Variants in PCM1 observed in about 807,000 individuals in gnomAD.
PCM1 encodes the protein pericentriolar material 1 protein.
PCM1 carries 157 observed loss-of-function variants against 241.9 expected under a neutral mutation model. The observed-to-expected ratio is 0.65, with a 90% CI of 0.57 to 0.74. The LOEUF (loss-of-function observed/expected upper bound fraction) is 0.74, where lower values mean the gene tolerates loss of function less well. Among genes scored for constraint, PCM1 ranks in the 30% least tolerant of loss-of-function variants. The probability of loss-of-function intolerance (pLI) is 0.00; values close to 1 mark genes in which losing one functional copy is unlikely to be tolerated. For synonymous variants in PCM1, 1,085 were observed against 784.9 expected, an observed-to-expected ratio of 1.38 and a Z score of -6.39; for missense variants, 3,478 against 2,360.1, an observed-to-expected ratio of 1.47 and a Z score of -9.81.
In PCM1 at chr8:17,967,163, T is replaced by G. The variant is rs746715597; in HGVS notation, c.3405T>G (p.Phe1135Leu). 3.8e-6 allele frequency: 6 copies of G among 1,586,566 alleles called. No homozygotes were observed. In the Admixed American group the frequency reaches 1.1e-4, roughly 28 times the overall value. Residue 1135 changes from phenylalanine (F) to leucine (L), a missense_variant, in exon 21 of 39, where the codon TTT (phenylalanine) becomes TTG (leucine). Physicochemically the swap from Phe to Leu is conservative, Grantham distance 22. Coordinates refer to ENST00000325083, the MANE Select transcript of PCM1 (RefSeq NM_006197.4). ...CTGGATTTACTAACTTTTCATCATT[T>G]GCACCAGGTAGGTGACTTAACCTAA... ...NIPGFTNFSS[F>L]APGMNFSPLF...
At chr8:18,023,327 C>T (rs952830715) in intron 36 of PCM1, among the ~76,000 whole-genome samples, 3 of 151,988 alleles carry the variant, frequency 2.0e-5, no homozygotes, top group Non-Finnish European at 4.4e-5. Context: ...CTCCCAAACT[C>T]GAATATATGA....
chr8:17,957,775 G>C lies in PCM1; in HGVS notation c.2040G>C (p.Gln680His), dbSNP rs976345387. The C allele has an allele frequency of 3.1e-6, 5 of 1,590,326 alleles. No homozygotes were observed. The African/African-American group carries it at 5.4e-5, about 17-fold the overall frequency. ...RQLQDLVAMV[Q>H]DDDAAQGVIS... ...TACAAGATCTTGTTGCTATGGTACA[G>C]GTAAATATTGCTTGGTCTTTTAAAA... Residue 680 changes from glutamine (Q) to histidine (H), a missense_variant and splice_region_variant, in exon 13 of 39, where the codon CAG becomes CAC. Transcript: ENST00000325083.
At chr8:17,929,919 A>T (rs919601656) in intron 2 of PCM1, among the ~76,000 whole-genome samples, 1 of 152,158 alleles carries the variant, frequency 6.6e-6, no homozygotes, top group Non-Finnish European at 1.5e-5. Flanking sequence ...CTGTCGCTCA[A>T]AATAACGTAC....
intron 38 of PCM1, 96 bp from the exon 39 acceptor site, chr8:18,027,541 G>A (rs527737072): frequency 3.1e-5 from 24 of 766,692 alleles, no homozygotes; most frequent in Non-Finnish European, 4.3e-5. Context: ...TTATAATAAC[G>A]TTATATTAAA....
At chr8:18,015,286 A>G (rs1297334625) in intron 36 of PCM1, among the ~76,000 whole-genome samples, 1 of 151,970 alleles carries the variant, frequency 6.6e-6, no homozygotes, top group African/African-American at 2.4e-5. Context: ...TGTACTCATG[A>G]TAGTACTTAC....
At chr8:17,925,933 A>G (rs1319912461) in intron 2 of PCM1, 3 of 152,188 alleles carry the variant, frequency 2.0e-5, no homozygotes, top group Non-Finnish European at 2.9e-5. Context: ...AGGACCTGAA[A>G]TGAGACTGTC....
chr8:17,982,414 A>T (rs1306578083), intron 24 of PCM1: 1 of 152,196 alleles, frequency 6.6e-6, no homozygotes, highest in Non-Finnish European at 1.5e-5. Flanking sequence ...GTGAAATATA[A>T]TGATTGAATT....
chr8:18,004,627 C>T lies in PCM1; in HGVS notation c.4828-1636C>T, dbSNP rs117371523. Among the ~76,000 whole-genome samples the T allele has an allele frequency of 7.6e-4, 115 of 152,210 alleles. 1 individual carries two copies. The East Asian group carries it at 0.02, about 26-fold the overall frequency. ...TATGATGTCTCATTTCACTTCAGATCTTGACTTTTTTTGTAGGACTGTAGA... is the reference window on the plus strand; with the variant it reads ...TATGATGTCTCATTTCACTTCAGATTTTGACTTTTTTTGTAGGACTGTAGA... On this transcript the variant is annotated intron_variant, in intron 29 of 38. Coordinates refer to ENST00000325083, the MANE Select transcript of PCM1 (RefSeq NM_006197.4).
chr8:17,987,915 C>A (rs1162363341), intron 26 of PCM1, among the ~76,000 whole-genome samples: 1 of 151,776 alleles, frequency 6.6e-6, no homozygotes, highest in Non-Finnish European at 1.5e-5. Context: ...TTGTATTGGA[C>A]AGATTCAGAG....
At chr8:17,928,186 C>A (rs771158880) in intron 2 of PCM1, among the ~76,000 whole-genome samples, 29 of 152,142 alleles carry the variant, frequency 1.9e-4, no homozygotes, top group Non-Finnish European at 1.0e-4. Flanking sequence ...AAAATTTCAA[C>A]CTTGGGTGGA....
chr8:17,991,502 A>C, intron 27 of PCM1, 40 bp from the exon 28 acceptor site: 10 of 1,512,020 alleles, frequency 6.6e-6, no homozygotes, highest in Non-Finnish European at 8.9e-6. Context: ...GAAAAAGTTC[A>C]CTTTTACATA....
intron 29 of PCM1, among the ~76,000 whole-genome samples, chr8:17,997,658 T>G (rs778341777): frequency 2.0e-5 from 3 of 152,200 alleles, no homozygotes; most frequent in Non-Finnish European, 2.9e-5. Context: ...GTTGCGTTTT[T>G]CAACTCTAGA....
At position 17,960,373 on chromosome 8, in the gene PCM1, GAAGA is replaced by G; in HGVS notation, c.2262_2265del (p.Lys754AsnfsTer2). ...ACAGAGAGAGCTAAAACAATTGCAG[GAAGA>G]AAGAAAGAAACTGATTGACATTCAG... is the stretch of plus-strand genomic sequence containing the variant. On this transcript the variant is annotated frameshift_variant, in exon 15 of 39. Coordinates refer to ENST00000325083, the MANE Select transcript of PCM1 (RefSeq NM_006197.4). LOFTEE classifies it high-confidence loss of function. The G allele has an allele frequency of 6.2e-7, 1 of 1,608,534 alleles. No homozygotes were observed. The highest frequency in any genetic ancestry group is 1.1e-5 in the South Asian group (1 of 89,578).
intron 6 of PCM1, 21 bp from the exon 7 acceptor site, chr8:17,947,165 A>G (rs2064152686): frequency 2.0e-6 from 3 of 1,513,032 alleles, no homozygotes; most frequent in Non-Finnish European, 2.7e-6. Flanking sequence ...AGATACAAGT[A>G]TTGTTGGTCT....
At position 18,028,617 on chromosome 8, in the gene PCM1, AGTATT is replaced by A. The variant is rs758886225; in HGVS notation, c.*957_*961del. ...GAGGTTGAAGCAGATTTGCAGGTGA[AGTATT>A]GAAAGTTTATGTGACTTTAAGTCAG... On this transcript the variant is annotated 3_prime_UTR_variant, in exon 39 of 39. Transcript: ENST00000325083. The A allele has an allele frequency of 3.9e-4, 80 of 207,350 alleles. No individual in the cohort carries two copies. The highest frequency in any genetic ancestry group is 6.9e-4 in the Non-Finnish European group (70 of 101,774). 12.8% of individuals were successfully genotyped at this position (207,350 alleles called of 1,614,324 possible). A position where few individuals can be genotyped will look rare whatever the true frequency, so the allele number is the denominator to read the frequency against.
intron 35 of PCM1, 127 bp downstream of exon 35, chr8:18,014,163 G>A: frequency 3.3e-6 from 2 of 615,172 alleles, no homozygotes; most frequent in Non-Finnish European, 5.6e-6. Context: ...TGGACCTGAT[G>A]TATGTTTTTC....
chr8:17,946,832 AGTGTGTGTGT>A (rs368892136), intron 6 of PCM1, among the ~76,000 whole-genome samples: 45 of 138,382 alleles, frequency 3.3e-4, no homozygotes, highest in Middle Eastern at 3.9e-3. Flanking sequence ...TAGATTCTTC[AGTGTGTGTGT>A]GTGTGTGTGT....
rs527771659 is a variant in PCM1 at position 17,964,601 on chromosome 8, T to C, written c.2688T>C (p.Cys896=). ...TMATWGGSTQ[C]ALDEEGDEDG... Reference sequence around the variant, plus strand: ...CAACTTGGGGAGGGTCTACCCAGTGTGCACTAGATGAAGAAGGAGATGAAG... The same window carrying C: ...CAACTTGGGGAGGGTCTACCCAGTGCGCACTAGATGAAGAAGGAGATGAAG... The change falls in exon 18 of 39, where the codon TGT becomes TGC. Residue 896 remains cysteine, a synonymous_variant. Coordinates refer to ENST00000325083, the MANE Select transcript of PCM1 (RefSeq NM_006197.4). 4 of 1,613,892 alleles carry C rather than the reference T, an allele frequency of 2.5e-6. No homozygotes were observed. Among genetic ancestry groups the C allele is most frequent in the Admixed American group, 1.7e-5 (1 of 60,008 alleles).
At position 17,972,338 on chromosome 8, in the gene PCM1, A is replaced by C. The variant is rs1288983464; in HGVS notation, c.3594A>C (p.Lys1198Asn). 2 of 1,497,522 alleles carry C rather than the reference A, an allele frequency of 1.3e-6. No individual in the cohort carries two copies. Among genetic ancestry groups the C allele is most frequent in the Admixed American group, 2.4e-5 (1 of 42,488 alleles). The allele number at this position is 1,497,522 out of a possible 1,614,324, so 92.8% of individuals were successfully genotyped here. The change falls in exon 23 of 39, where the codon AAA (lysine) becomes AAC (asparagine). Residue 1198 changes from lysine to asparagine, a missense_variant. Coordinates refer to ENST00000325083, the MANE Select transcript of PCM1 (RefSeq NM_006197.4). The part of the protein sequence containing the change: ...SIGAEKPRNK[K>N]LPEEEVESSR... ...TGTTTTCATTGGTAAGGAATAAAAAACTGCCTGAAGAGGAGGTGGAAAGCA... is the reference window on the plus strand; with the variant it reads ...TGTTTTCATTGGTAAGGAATAAAAACCTGCCTGAAGAGGAGGTGGAAAGCA...
Sources: gnomAD v4.1 joint callset for allele counts (sites outside exome capture counted in the v4.1 genomes callset) on GRCh38, gnomAD v4.1.1 for gene constraint, MANE v1.5 for transcripts, NCBI Gene and HGNC (gene_info 2026-07-23, HGNC 2026-07-21) for gene names.